Variants in MRPL49 observed in about 807,000 individuals in gnomAD.
MRPL49 encodes large ribosomal subunit protein mL49.
Under a neutral mutation model 18.4 loss-of-function variants are expected in MRPL49, and 14 were observed. The ratio of observed to expected loss-of-function variants is 0.76; its 90% CI spans 0.50 to 1.19. The LOEUF (loss-of-function observed/expected upper bound fraction) is 1.19, where lower values mean the gene tolerates loss of function less well. Ranked by LOEUF, MRPL49 falls within the 50% of genes most tolerant of loss-of-function variation. MRPL49 has a pLI of 0.00. For synonymous variants in MRPL49, 104 were observed against 86.2 expected (o/e 1.21, Z -1.14); for missense variants, 190 against 217.8 (o/e 0.87, Z 0.80).
At position 65,122,323 on chromosome 11, in the gene MRPL49, A is replaced by G. The variant is rs768930530; in HGVS notation, c.-24A>G. ...GGCGGGACCAGACAGTTGCGCGCACAGAAGGCTGGCGTAGCAGGTAAAGAT... is the reference window on the plus strand; with the variant it reads ...GGCGGGACCAGACAGTTGCGCGCACGGAAGGCTGGCGTAGCAGGTAAAGAT... On this transcript the variant is annotated 5_prime_UTR_variant, in exon 1 of 4. Transcript: ENST00000279242. 5 of 1,608,976 alleles carry G rather than the reference A, an allele frequency of 3.1e-6. No individual in the cohort carries two copies. The highest frequency in any genetic ancestry group is 1.3e-5 in the African/African-American group (1 of 74,814).
At chr11:65,123,718 A>C (rs1298056175) in intron 1 of MRPL49, among the ~76,000 whole-genome samples, 1 of 152,132 alleles carries the variant, frequency 6.6e-6, no homozygotes. Context: ...TAGGTGACAG[A>C]GTGAGACTCT....
rs765793910 is a variant in MRPL49, at chr11:65,125,910, G to A, written c.*38G>A. The A allele has an allele frequency of 6.3e-7, 1 of 1,581,814 alleles. No homozygotes were observed. The highest frequency in any genetic ancestry group is 1.4e-5 in the African/African-American group (1 of 73,998). On this transcript the variant is annotated 3_prime_UTR_variant, in exon 4 of 4. Coordinates refer to ENST00000279242, the MANE Select transcript of MRPL49 (RefSeq NM_004927.4). The stretch of plus-strand genomic sequence containing the variant: ...CAGCCTGCTTGTCAGCATGCCCTGT[G>A]GATCAAGTCTAGGGGGCCTCAGGAG...
At chr11:65,124,806 A>T in intron 2 of MRPL49, 154 bp downstream of exon 2, 1 of 785,676 alleles carries the variant, frequency 1.3e-6, no homozygotes, top group Non-Finnish European at 1.9e-6. Flanking sequence ...CCCAAGGAAG[A>T]GCCGAGGAGT....
At position 65,125,486 on chromosome 11, in the gene MRPL49, A is replaced by G; in HGVS notation, c.230-2A>G. ...ATTTAACAGTGTCTTTCCCTGTTGCAGACCCCCCACCCAACCTGCCTTACT... is the reference window on the plus strand; with the variant it reads ...ATTTAACAGTGTCTTTCCCTGTTGCGGACCCCCCACCCAACCTGCCTTACT... On this transcript the variant is annotated splice_acceptor_variant, in intron 2 of 3. Coordinates refer to ENST00000279242, the MANE Select transcript of MRPL49 (RefSeq NM_004927.4). LOFTEE classifies it high-confidence loss of function. 6.2e-7 allele frequency: 1 copy of G among 1,613,400 alleles called. No homozygotes were observed. Among genetic ancestry groups the G allele is most frequent in the South Asian group, 1.1e-5 (1 of 90,982 alleles).
chr11:65,122,261 G>A (rs1261237680), upstream of MRPL49: 5 of 1,485,626 alleles, frequency 3.4e-6, no homozygotes, highest in African/African-American at 4.2e-5. Flanking sequence ...CGCTCGCACC[G>A]GCGAACCTGC....
chr11:65,125,567 C>T lies in MRPL49; in HGVS notation c.309C>T (p.Gly103=), dbSNP rs141441486. ...CCGTCTACAAGGACATCACGCATGG[C>T]AACCGGCAGATGACTGTGATCCGGA... ...NIPVYKDITH[G]NRQMTVIRKV... Residue 103 remains glycine, a synonymous_variant, in exon 3 of 4, where the codon GGC becomes GGT. Transcript: ENST00000279242. The T allele has an allele frequency of 6.2e-5, 97 of 1,561,794 alleles. No homozygotes were observed. Among genetic ancestry groups the T allele is most frequent in the Middle Eastern group, 3.4e-4 (2 of 5,812 alleles).
rs754717513 is a variant in MRPL49 at position 65,125,819 on chromosome 11, A to T, written c.448A>T (p.Lys150Ter). The change falls in exon 4 of 4, where the codon AAG (lysine) becomes TAG (stop). Residue 150 changes from lysine to a stop codon, truncating the protein, a stop_gained. Transcript: ENST00000279242. LOFTEE classifies it high-confidence loss of function. ...TGAGGTGACAGGTACCCTACGGATC[A>T]AGGGCTACTTTGACCAGGAGCTTAA... ...VNEVTGTLRI[K>*]GYFDQELKAW... 1 of 1,612,318 alleles carries T rather than the reference A, an allele frequency of 6.2e-7. No individual in the cohort carries two copies. Among genetic ancestry groups the T allele is most frequent in the Admixed American group, 1.7e-5 (1 of 60,008 alleles).
chr11:65,124,727 T>G, intron 2 of MRPL49, 75 bp downstream of exon 2: 2 of 1,534,314 alleles, frequency 1.3e-6, no homozygotes, highest in South Asian at 2.4e-5. Flanking sequence ...GCCTCCCCCA[T>G]GAGGCTCTGG....
At position 65,126,052 on chromosome 11, in the gene MRPL49, G is replaced by C. The variant is rs914725282; in HGVS notation, c.*180G>C. 1.5e-6 allele frequency: 1 copy of C among 647,406 alleles called. No individual in the cohort carries two copies. The highest frequency in any genetic ancestry group is 1.9e-5 in the African/African-American group (1 of 54,024). The allele number at this position is 647,406 out of a possible 1,614,324, so 40.1% of individuals were successfully genotyped here. A position where few individuals can be genotyped will look rare whatever the true frequency, so the allele number is the denominator to read the frequency against. On this transcript the variant is annotated 3_prime_UTR_variant, in exon 4 of 4. Transcript: ENST00000279242. ...AAACAACTCTATGTACATGCTGGGG[G>C]AGAGTGCCTAATGTGGGAGACCAAA...
chr11:65,126,803 C>G lies in MRPL49; in HGVS notation c.*931C>G. On this transcript the variant is annotated 3_prime_UTR_variant, in exon 4 of 4. Transcript: ENST00000279242. ...TCCATTGCAGACCAGACTTGCTGGCCTGACCACAAGGGAGTGGCTGGGAAC... is the reference window on the plus strand; with the variant it reads ...TCCATTGCAGACCAGACTTGCTGGCGTGACCACAAGGGAGTGGCTGGGAAC... 1.8e-6 allele frequency: 1 copy of G among 556,290 alleles called. No individual in the cohort carries two copies. Among genetic ancestry groups the G allele is most frequent in the Admixed American group, 3.5e-5 (1 of 28,822 alleles). 34.5% of individuals were successfully genotyped at this position (556,290 alleles called of 1,614,324 possible). A position where few individuals can be genotyped will look rare whatever the true frequency, so the allele number is the denominator to read the frequency against.
chr11:65,125,881 C>T lies in MRPL49; in HGVS notation c.*9C>T, dbSNP rs770003687. The T allele has an allele frequency of 1.4e-5, 23 of 1,599,270 alleles. No individual in the cohort carries two copies. The South Asian group carries it at 1.8e-4, about 12-fold the overall frequency. On this transcript the variant is annotated 3_prime_UTR_variant, in exon 4 of 4. Transcript: ENST00000279242. ...TGGAGAAAGGCTTCTGAGGCCCAGCCGAGCAGCCTGCTTGTCAGCATGCCC... is the reference window on the plus strand; with the variant it reads ...TGGAGAAAGGCTTCTGAGGCCCAGCTGAGCAGCCTGCTTGTCAGCATGCCC...
At chr11:65,123,946 G>A (rs1281910199) in intron 1 of MRPL49, among the ~76,000 whole-genome samples, 1 of 151,988 alleles carries the variant, frequency 6.6e-6, no homozygotes, top group African/African-American at 2.4e-5. Flanking sequence ...GGAGTGCAAT[G>A]GTGCGATCTT....
At chr11:65,123,431 A>G (rs529930101) in intron 1 of MRPL49, among the ~76,000 whole-genome samples, 3 of 152,354 alleles carry the variant, frequency 2.0e-5, no homozygotes, top group Admixed American at 2.0e-4. Flanking sequence ...AAAAGAAGAC[A>G]AAGGTTTTTA....
intron 2 of MRPL49, 28 bp from the exon 3 acceptor site, chr11:65,125,459 TG>T (rs1948090320): frequency 6.2e-7 from 1 of 1,611,650 alleles, no homozygotes; most frequent in Admixed American, 1.7e-5. Context: ...TAGGAAGAGT[TG>T]ATTTAACAGT....
intron 1 of MRPL49, 193 bp downstream of exon 1, chr11:65,122,617 C>T (rs1007743492): frequency 1.2e-5 from 7 of 578,080 alleles, no homozygotes; most frequent in African/African-American, 5.6e-5. Context: ...TTTGGGAGCA[C>T]TTAACACAGT....
chr11:65,123,961 C>T (rs1282221926), intron 1 of MRPL49, among the ~76,000 whole-genome samples: 2 of 152,110 alleles, frequency 1.3e-5, no homozygotes, highest in African/African-American at 2.4e-5. Flanking sequence ...GATCTTAGCT[C>T]ACTGCAACCT....
chr11:65,122,452 G>T, intron 1 of MRPL49, 28 bp downstream of exon 1: 2 of 1,597,040 alleles, frequency 1.3e-6, no homozygotes, highest in Non-Finnish European at 1.7e-6. Context: ...GGAGCTGAGG[G>T]CATCGCGTGG....
At chr11:65,122,205 C>T (rs1399017892), upstream of MRPL49, 5 of 829,000 alleles carry the variant, frequency 6.0e-6, no homozygotes, top group African/African-American at 6.8e-5. Context: ...CCGCGCGGTT[C>T]CCTGCTATTT....
In MRPL49 at chr11:65,126,106, C is replaced by T. The variant is rs1199266690; in HGVS notation, c.*234C>T. 1.9e-5 allele frequency: 9 copies of T among 463,564 alleles called. No homozygotes were observed. The highest frequency in any genetic ancestry group is 4.0e-5 in the African/African-American group (2 of 49,858). 28.7% of individuals were successfully genotyped at this position (463,564 alleles called of 1,614,324 possible). On this transcript the variant is annotated 3_prime_UTR_variant, in exon 4 of 4. Coordinates refer to ENST00000279242, the MANE Select transcript of MRPL49 (RefSeq NM_004927.4). ...GGATCACCAGGCTAATGGGGGGCGT[C>T]AGCAGCTTTCTCTCCCTCCTATCTT...
Sources: gnomAD v4.1 joint callset for allele counts (sites outside exome capture counted in the v4.1 genomes callset) on GRCh38, gnomAD v4.1.1 for gene constraint, MANE v1.5 for transcripts, NCBI Gene and HGNC (gene_info 2026-07-23, HGNC 2026-07-21) for gene names.